SLC67A2: variants seen among roughly 807,000 people sequenced by gnomAD.
The protein encoded by SLC67A2 is solute carrier family 67 member A2.
At chr2:102,728,422 G>A in the SLC67A2 span, among the ~76,000 whole-genome samples, 1 of 152,118 alleles carries the variant, frequency 6.6e-6, no homozygotes, top group African/African-American at 2.4e-5. Context: ...AAGTGTAGCT[G>A]TTCATGCCCT....
At chr2:102,730,180 G>T in the SLC67A2 span, among the ~76,000 whole-genome samples, 1 of 152,166 alleles carries the variant, frequency 6.6e-6, no homozygotes, top group East Asian at 1.9e-4. Context: ...CAGAAGTAGG[G>T]CACTGACAAG....
the SLC67A2 span, among the ~76,000 whole-genome samples, chr2:102,728,980 T>C: frequency 6.6e-6 from 1 of 152,202 alleles, no homozygotes; most frequent in Non-Finnish European, 1.5e-5. Flanking sequence ...AAGTGGATCA[T>C]TTTTTATTAA....
the SLC67A2 span, among the ~76,000 whole-genome samples, chr2:102,721,207 G>A: frequency 6.6e-6 from 1 of 152,166 alleles, no homozygotes; most frequent in African/African-American, 2.4e-5. Context: ...CAATTCCTTT[G>A]TTATATGCTG....
chr2:102,720,395 GAATT>G, the SLC67A2 span, among the ~76,000 whole-genome samples: 1 of 152,132 alleles, frequency 6.6e-6, no homozygotes, highest in South Asian at 2.1e-4. Context: ...TAAAAAAGTA[GAATT>G]AAAATAATAA....
the SLC67A2 span, chr2:102,716,720 A>G: frequency 6.6e-6 from 1 of 152,252 alleles, no homozygotes; most frequent in Non-Finnish European, 1.5e-5. Context: ...ATTTACAAGT[A>G]TGCATGTGTT....
the SLC67A2 span, chr2:102,736,874 G>T: frequency 1.3e-6 from 2 of 1,497,174 alleles, no homozygotes; most frequent in Non-Finnish European, 1.8e-6. Flanking sequence ...GCCCAGCCCC[G>T]CCCCGAGCGG....
chr2:102,723,698 A>G, the SLC67A2 span: 1 of 1,613,606 alleles, frequency 6.2e-7, no homozygotes, highest in Admixed American at 1.7e-5. Flanking sequence ...TTGTCAACTT[A>G]CCAGCATTGA....
At chr2:102,722,760 A>G in the SLC67A2 span, among the ~76,000 whole-genome samples, 1 of 152,172 alleles carries the variant, frequency 6.6e-6, no homozygotes, top group South Asian at 2.1e-4. Context: ...CCAAAAATAG[A>G]CAAGTGGAAC....
chr2:102,719,024 A>G, the SLC67A2 span: 8 of 1,614,234 alleles, frequency 5.0e-6, no homozygotes, highest in Middle Eastern at 1.6e-4. Flanking sequence ...CATGTTCCGC[A>G]AGGCCAACAC....
At chr2:102,733,340 G>C in the SLC67A2 span, among the ~76,000 whole-genome samples, 5 of 152,166 alleles carry the variant, frequency 3.3e-5, no homozygotes, top group Non-Finnish European at 7.4e-5. Flanking sequence ...TGGAAAGAAA[G>C]AACTCGCATG....
chr2:102,732,440 A>G, the SLC67A2 span: 38 of 1,545,816 alleles, frequency 2.5e-5, no homozygotes, highest in African/African-American at 4.1e-4. Flanking sequence ...ATGGACTCAA[A>G]TTAGTATTTT....
the SLC67A2 span, among the ~76,000 whole-genome samples, chr2:102,730,195 C>T: frequency 6.6e-6 from 1 of 152,182 alleles, no homozygotes; most frequent in African/African-American, 2.4e-5. Flanking sequence ...GACAAGGTCG[C>T]CACTGAATCT....
chr2:102,731,168 G>A, the SLC67A2 span: 1 of 882,594 alleles, frequency 1.1e-6, no homozygotes, highest in Admixed American at 2.6e-5. Context: ...AAAACATTAG[G>A]GTAAGATACC....
the SLC67A2 span, among the ~76,000 whole-genome samples, chr2:102,733,612 C>G: frequency 1.3e-5 from 2 of 152,134 alleles, no homozygotes; most frequent in Non-Finnish European, 2.9e-5. Flanking sequence ...GAGTCCATTT[C>G]TTTTGGGCTT....
At chr2:102,719,134 G>C in the SLC67A2 span, 25 of 1,614,162 alleles carry the variant, frequency 1.5e-5, no homozygotes, top group Non-Finnish European at 2.1e-5. Context: ...ACAGCACATG[G>C]GTCTTTCGCA....
At chr2:102,725,028 A>G in the SLC67A2 span, among the ~76,000 whole-genome samples, 1 of 152,208 alleles carries the variant, frequency 6.6e-6, no homozygotes, top group Non-Finnish European at 1.5e-5. Flanking sequence ...CACTTTACAT[A>G]CATGAGGGAC....
At chr2:102,732,568 A>C in the SLC67A2 span, 3 of 591,806 alleles carry the variant, frequency 5.1e-6, no homozygotes, top group Non-Finnish European at 8.9e-6. Flanking sequence ...ATCCGCTGCC[A>C]CTTGCAAATG....
the SLC67A2 span, chr2:102,717,751 C>CA: frequency 6.6e-6 from 1 of 152,540 alleles, no homozygotes; most frequent in African/African-American, 2.4e-5. Flanking sequence ...AGTGCAGTCT[C>CA]AGTGTGGTCT....
At chr2:102,720,554 G>C in the SLC67A2 span, among the ~76,000 whole-genome samples, 204 of 150,672 alleles carry the variant, frequency 1.4e-3, no homozygotes, top group African/African-American at 4.6e-3. Context: ...AACAAGACAA[G>C]GTCTATGCAA....
Sources: gnomAD v4.1 joint callset for allele counts (sites outside exome capture counted in the v4.1 genomes callset) on GRCh38, gnomAD v4.1.1 for gene constraint, MANE v1.5 for transcripts, NCBI Gene and HGNC (gene_info 2026-07-23, HGNC 2026-07-21) for gene names.